The following RGS6 variants were observed in gnomAD, a reference collection of about 807,000 sequenced individuals.
RGS6 encodes regulator of G-protein signaling 6.
In RGS6, 30 loss-of-function variants were observed where a neutral mutation model predicts 78.5. That is an observed-to-expected ratio of 0.38 (90% CI 0.29 to 0.52). The LOEUF (loss-of-function observed/expected upper bound fraction) is 0.52, where lower values mean the gene tolerates loss of function less well. RGS6 is among the 20% of genes least tolerant of loss of function. The probability of loss-of-function intolerance (pLI) is 0.85; values close to 1 mark genes in which losing one functional copy is unlikely to be tolerated. For synonymous variants in RGS6, 206 were observed against 206.0 expected, an observed-to-expected ratio of 1.00 and a Z score of 0.00; for missense variants, 495 against 609.7, an observed-to-expected ratio of 0.81 and a Z score of 1.98.
At chr14:71,990,876 C>T (rs533040780) in intron 2 of RGS6, 2 of 455,932 alleles carry the variant, frequency 4.4e-6, no homozygotes, top group Non-Finnish European at 8.8e-6. Context: ...CAAAACTGTT[C>T]TCCTTCTGAG....
At chr14:72,314,503 G>A (rs117549277) in intron 2 of RGS6, among the ~76,000 whole-genome samples, 86 of 152,262 alleles carry the variant, frequency 5.6e-4, no homozygotes, top group Admixed American at 1.1e-3. Context: ...TAGAAATGGC[G>A]GAGAAGGTGA....
chr14:71,869,273 C>T, the RGS6 span, among the ~76,000 whole-genome samples: 1,268 of 152,296 alleles, frequency 8.3e-3, 10 homozygotes, highest in Middle Eastern at 0.024. Flanking sequence ...AAGATGCTAG[C>T]AGCTAGAGAT....
In RGS6 at chr14:72,476,852, G is replaced by A; in HGVS notation, c.792+12G>A. 1 of 1,609,500 alleles carries A rather than the reference G, an allele frequency of 6.2e-7. No homozygotes were observed. The highest frequency in any genetic ancestry group is 8.5e-7 in the Non-Finnish European group (1 of 1,175,768). On this transcript the variant is annotated intron_variant, in intron 11 of 17. Transcript: ENST00000553525. The stretch of plus-strand genomic sequence containing the variant: ...ACATCCGGAAACAGGTGAATGAATT[G>A]ACAGCTTGCACTCTCAGGAGGAGAC...
intron 3 of RGS6, among the ~76,000 whole-genome samples, chr14:72,441,037 G>A (rs767936688): frequency 2.0e-5 from 3 of 152,172 alleles, no homozygotes; most frequent in Admixed American, 6.5e-5. Flanking sequence ...TTGGGTGTCT[G>A]TTGCATCTAT....
the RGS6 span, among the ~76,000 whole-genome samples, chr14:71,882,681 T>A: frequency 6.6e-6 from 1 of 152,220 alleles, no homozygotes; most frequent in East Asian, 1.9e-4. Flanking sequence ...ATGAAAATGA[T>A]TTCTGCCCAG....
At chr14:71,890,975 C>T in the RGS6 span, among the ~76,000 whole-genome samples, 4 of 152,166 alleles carry the variant, frequency 2.6e-5, no homozygotes, top group African/African-American at 7.2e-5. Context: ...AAAACAGATT[C>T]TAGAGTGAAG....
intron 2 of RGS6, among the ~76,000 whole-genome samples, chr14:72,151,105 A>C (rs962618772): frequency 3.9e-5 from 6 of 152,202 alleles, no homozygotes. Flanking sequence ...GGTGATCAGA[A>C]CAAAGGGACA....
chr14:72,015,677 G>T (rs1332588056), intron 2 of RGS6, among the ~76,000 whole-genome samples: 3 of 152,182 alleles, frequency 2.0e-5, no homozygotes, highest in Non-Finnish European at 4.4e-5. Flanking sequence ...TTACCAAATT[G>T]CTCTCCAAAG....
chr14:72,119,401 C>T (rs1244576676), intron 2 of RGS6, among the ~76,000 whole-genome samples: 1 of 152,092 alleles, frequency 6.6e-6, no homozygotes, highest in African/African-American at 2.4e-5. Context: ...TTTCCATGGG[C>T]CTTTTGTGCT....
intron 13 of RGS6, among the ~76,000 whole-genome samples, chr14:72,507,978 C>G (rs1394418232): frequency 1.3e-5 from 2 of 152,284 alleles, no homozygotes; most frequent in Middle Eastern, 3.4e-3. Context: ...ATTTTTGGTT[C>G]CCTTGAAAGT....
chr14:72,573,197 T>C, the RGS6 span, among the ~76,000 whole-genome samples: 2 of 152,164 alleles, frequency 1.3e-5, no homozygotes, highest in Non-Finnish European at 2.9e-5. Flanking sequence ...GGAATTTAAT[T>C]AGGTAGATTA....
At chr14:72,489,166 C>CT (rs10632636) in intron 12 of RGS6, among the ~76,000 whole-genome samples, 1 of 151,110 alleles carries the variant, frequency 6.6e-6, no homozygotes, top group African/African-American at 2.4e-5. Flanking sequence ...GCCCCCCCAC[C>CT]GGCTGTTTGC....
chr14:72,474,240 T>C (rs750352516), intron 9 of RGS6, among the ~76,000 whole-genome samples: 1 of 152,222 alleles, frequency 6.6e-6, no homozygotes, highest in East Asian at 1.9e-4. Flanking sequence ...AAATAAATTA[T>C]TGGTCTTCTT....
chr14:72,462,131 G>A (rs534591742), intron 6 of RGS6, among the ~76,000 whole-genome samples: 2 of 152,112 alleles, frequency 1.3e-5, no homozygotes, highest in Admixed American at 6.5e-5. Flanking sequence ...ATTGACAAAC[G>A]TTTACTGGTC....
intron 2 of RGS6, among the ~76,000 whole-genome samples, chr14:72,304,269 CCTT>C (rs1205103236): frequency 1.3e-5 from 2 of 152,136 alleles, no homozygotes; most frequent in South Asian, 2.1e-4. Flanking sequence ...GTTTGTCTGA[CCTT>C]CTCATATTAT....
At chr14:72,236,818 C>T (rs2051193071) in intron 2 of RGS6, among the ~76,000 whole-genome samples, 1 of 152,136 alleles carries the variant, frequency 6.6e-6, no homozygotes, top group South Asian at 2.1e-4. Context: ...CAGAGGTGCT[C>T]CTAACTTCCC....
the RGS6 span, among the ~76,000 whole-genome samples, chr14:71,880,169 C>T: frequency 6.6e-6 from 1 of 152,194 alleles, no homozygotes; most frequent in Admixed American, 6.5e-5. Flanking sequence ...GGGTATCTGG[C>T]AGCAGAAATT....
chr14:72,376,643 A>G (rs776323875), intron 3 of RGS6, among the ~76,000 whole-genome samples: 1 of 152,192 alleles, frequency 6.6e-6, no homozygotes, highest in Non-Finnish European at 1.5e-5. Context: ...CTCATCAGAA[A>G]CCATGTAGGC....
the RGS6 span, among the ~76,000 whole-genome samples, chr14:72,578,330 G>A: frequency 6.6e-6 from 1 of 152,108 alleles, no homozygotes; most frequent in Non-Finnish European, 1.5e-5. Flanking sequence ...AGCCTAGGAG[G>A]CAACCTCTAA....
Sources: allele counts gnomAD v4.1 joint callset (sites outside exome capture counted in the v4.1 genomes callset), GRCh38; gene constraint gnomAD v4.1.1; transcripts MANE v1.5; gene names NCBI Gene and HGNC (gene_info 2026-07-23, HGNC 2026-07-21).